Variants in ZNF84 observed in about 807,000 individuals in gnomAD.
The protein encoded by ZNF84 is zinc finger protein 84.
Under a neutral mutation model 14.8 loss-of-function variants are expected in ZNF84, and 12 were observed. That is an observed-to-expected ratio of 0.81 (90% confidence interval 0.52 to 1.31). ZNF84 has a LOEUF of 1.31. ZNF84 is among the 50% of genes most tolerant of loss of function. ZNF84 has a pLI of 0.00. For synonymous variants in ZNF84, 347 were observed against 291.1 expected (o/e 1.19, Z -1.96); for missense variants, 859 against 878.6 (o/e 0.98, Z 0.28).
In ZNF84 at chr12:133,047,904, A is replaced by G. The variant is rs1954009517; in HGVS notation, c.16-51A>G. On this transcript the variant is annotated intron_variant, in intron 2 of 4. Coordinates refer to ENST00000539354, the MANE Select transcript of ZNF84 (RefSeq NM_001289971.2). ...GCTAAAGCTCCAATATTTTTTTCTC[A>G]CATCATACGGTGTTAACTGCTTCAG... 30 of 1,585,154 alleles carry G rather than the reference A, an allele frequency of 1.9e-5. 1 individual carries two copies. The South Asian group carries it at 2.9e-4, about 16-fold the overall frequency.
intron 4 of ZNF84, among the ~76,000 whole-genome samples, chr12:133,051,453 G>A (rs1225272083): frequency 3.3e-5 from 5 of 152,078 alleles, no homozygotes; most frequent in African/African-American, 9.7e-5. Flanking sequence ...AAGGACTCAC[G>A]GGACTCAGCA....
chr12:133,051,501 T>C (rs1954068015), intron 4 of ZNF84, among the ~76,000 whole-genome samples: 1 of 152,110 alleles, frequency 6.6e-6, no homozygotes, highest in African/African-American at 2.4e-5. Context: ...AGTGACACTG[T>C]AAGGACACAG....
intron 2 of ZNF84, among the ~76,000 whole-genome samples, chr12:133,046,923 T>TATTTTTAATATAATATTTATATTATATA (rs1953991714): frequency 6.9e-6 from 1 of 144,306 alleles, no homozygotes; most frequent in Non-Finnish European, 1.5e-5. Flanking sequence ...TATATTATAT[T>TATTTTTAATATAATATTTATATTATATA]ATTTTTAATA....
At chr12:133,044,965 AT>A (rs1408034313) in intron 2 of ZNF84, among the ~76,000 whole-genome samples, 1 of 152,082 alleles carries the variant, frequency 6.6e-6, no homozygotes, top group Admixed American at 6.5e-5. Flanking sequence ...GTATGTTGGC[AT>A]AAGTTTGTAA....
At position 133,057,728 on chromosome 12, in the gene ZNF84, A is replaced by G; in HGVS notation, c.1013A>G (p.Gln338Arg). Reference protein sequence around the residue: ...FSEKSNLINHQRIHTGEKPFE... With the variant: ...FSEKSNLINHRRIHTGEKPFE... ...GAAAAGTCCAATCTCATTAACCATC[A>G]GAGAATTCATACCGGTGAGAAGCCT... The change falls in exon 5 of 5, where the codon CAG (glutamine) becomes CGG (arginine). Residue 338 changes from glutamine to arginine, a missense_variant. Gln to Arg is a conservative substitution (Grantham distance 43). Transcript: ENST00000539354. 2 of 1,614,130 alleles carry G rather than the reference A, an allele frequency of 1.2e-6. No homozygotes were observed. Among genetic ancestry groups the G allele is most frequent in the Non-Finnish European group, 1.7e-6 (2 of 1,180,010 alleles).
At chr12:133,047,928 A>G in intron 2 of ZNF84, 27 bp from the exon 3 acceptor site, 8 of 1,612,716 alleles carry the variant, frequency 5.0e-6, no homozygotes, top group Non-Finnish European at 6.8e-6. Context: ...TAACTGCTTC[A>G]GATTTACCAG....
Position 133,059,034 on chromosome 12 carries a change from C to A in ZNF84, c.*102C>A. On this transcript the variant is annotated 3_prime_UTR_variant, in exon 5 of 5. Transcript: ENST00000539354. Reference sequence around the variant, plus strand: ...TCACGTCATGTTAGGTGTTTGTACTCCATGAGGATGAGAACTCTAAATGAG... The same window carrying A: ...TCACGTCATGTTAGGTGTTTGTACTACATGAGGATGAGAACTCTAAATGAG... The A allele has an allele frequency of 9.0e-7, 1 of 1,112,954 alleles. No homozygotes were observed. Among genetic ancestry groups the A allele is most frequent in the Non-Finnish European group, 1.3e-6 (1 of 783,094 alleles). The allele number at this position is 1,112,954 out of a possible 1,614,324, so 68.9% of individuals were successfully genotyped here. A position where few individuals can be genotyped will look rare whatever the true frequency, so the allele number is the denominator to read the frequency against.
At chr12:133,049,837 A>G (rs966988446) in intron 4 of ZNF84, among the ~76,000 whole-genome samples, 18 of 152,110 alleles carry the variant, frequency 1.2e-4, no homozygotes, top group African/African-American at 4.3e-4. Flanking sequence ...CTATTGGGAA[A>G]GTATCTTTTT....
At chr12:133,055,160 G>C (rs1954132308) in intron 4 of ZNF84, among the ~76,000 whole-genome samples, 2 of 152,060 alleles carry the variant, frequency 1.3e-5, no homozygotes, top group Non-Finnish European at 2.9e-5. Flanking sequence ...ATTGATTGTA[G>C]TATAGGACTC....
chr12:133,046,005 C>G (rs941125462), intron 2 of ZNF84, among the ~76,000 whole-genome samples: 1 of 151,844 alleles, frequency 6.6e-6, no homozygotes, highest in Non-Finnish European at 1.5e-5. Context: ...TCTCTGACTT[C>G]TCTTAAAGTA....
rs1269576635 is a variant in ZNF84 at position 133,058,172 on chromosome 12, C to T, written c.1457C>T (p.Pro486Leu). 6.2e-6 allele frequency: 10 copies of T among 1,613,844 alleles called. No homozygotes were observed. In the East Asian group the frequency reaches 6.7e-5, roughly 11 times the overall value. The change falls in exon 5 of 5, where the codon CCG becomes CTG. Residue 486 changes from proline (P) to leucine (L), a missense_variant. Transcript: ENST00000539354. ...RHQRTHTGEK[P>L]YECSECGKAF... Reference sequence around the variant, plus strand: ...CAGAGAACTCATACGGGAGAAAAACCGTATGAATGCAGTGAGTGTGGGAAA... The same window carrying T: ...CAGAGAACTCATACGGGAGAAAAACTGTATGAATGCAGTGAGTGTGGGAAA...
intron 4 of ZNF84, among the ~76,000 whole-genome samples, chr12:133,054,404 A>G (rs1201379819): frequency 6.6e-6 from 1 of 152,198 alleles, no homozygotes; most frequent in African/African-American, 2.4e-5. Flanking sequence ...TTTTGAAGTT[A>G]ACTTATAATA....
At chr12:133,047,385 C>CA (rs1405173544) in intron 2 of ZNF84, among the ~76,000 whole-genome samples, 1 of 152,154 alleles carries the variant, frequency 6.6e-6, no homozygotes, top group East Asian at 1.9e-4. Flanking sequence ...AAGCCTTACA[C>CA]AAAAAATACT....
intron 4 of ZNF84, among the ~76,000 whole-genome samples, chr12:133,054,777 A>G (rs1241026915): frequency 6.6e-6 from 1 of 152,100 alleles, no homozygotes; most frequent in East Asian, 1.9e-4. Context: ...TTTTTCAATG[A>G]ATCTTTGATT....
Position 133,058,857 on chromosome 12 carries a change from T to G in ZNF84, c.2142T>G (p.Ile714Met). ...CAGGAGAGAAGCCTTATCGATGCAT[T>G]GAATGTGGGAAAGCTTTCTCACAGA... Reference protein sequence around the residue: ...IHTGEKPYRCIECGKAFSQKS... With the variant: ...IHTGEKPYRCMECGKAFSQKS... Residue 714 changes from isoleucine to methionine, a missense_variant, in exon 5 of 5, where the codon ATT (isoleucine) becomes ATG (methionine). Transcript: ENST00000539354. 6.2e-7 allele frequency: 1 copy of G among 1,613,776 alleles called. No homozygotes were observed. The highest frequency in any genetic ancestry group is 1.3e-5 in the African/African-American group (1 of 75,016).
At chr12:133,040,096 C>T (rs1953860037) in intron 1 of ZNF84, among the ~76,000 whole-genome samples, 1 of 151,884 alleles carries the variant, frequency 6.6e-6, no homozygotes. Context: ...TCTGCCTTGG[C>T]CTCCCAAAGT....
Position 133,057,811 on chromosome 12 carries a change from C to G in ZNF84, c.1096C>G (p.His366Asp). 1 of 1,614,046 alleles carries G rather than the reference C, an allele frequency of 6.2e-7. No homozygotes were observed. Among genetic ancestry groups the G allele is most frequent in the African/African-American group, 1.3e-5 (1 of 74,972 alleles). The change falls in exon 5 of 5, where the codon CAC (histidine) becomes GAC (aspartate). Residue 366 changes from histidine (H) to aspartate (D), a missense_variant. His to Asp is a moderately conservative substitution (Grantham distance 81, BLOSUM62 -1). Coordinates refer to ENST00000539354, the MANE Select transcript of ZNF84 (RefSeq NM_001289971.2). Reference sequence around the variant, plus strand: ...CAGGAAGTCACAACTCGTTACACATCACAGAACTCACACAGGAACAAAACC... The same window carrying G: ...CAGGAAGTCACAACTCGTTACACATGACAGAACTCACACAGGAACAAAACC... ...FSRKSQLVTH[H>D]RTHTGTKPFG...
chr12:133,060,417 C>T lies in ZNF84; in HGVS notation c.*1485C>T, dbSNP rs1954239930. 2 of 152,136 alleles carry T rather than the reference C, an allele frequency of 1.3e-5. No individual in the cohort carries two copies. Among genetic ancestry groups the T allele is most frequent in the African/African-American group, 4.8e-5 (2 of 41,432 alleles). 9.4% of individuals were successfully genotyped at this position (152,136 alleles called of 1,614,324 possible). A position where few individuals can be genotyped will look rare whatever the true frequency, so the allele number is the denominator to read the frequency against. On this transcript the variant is annotated 3_prime_UTR_variant, in exon 5 of 5. Transcript: ENST00000539354. ...TGATCCTGGACTTACAGTGGGGTTACCTCCCAATAAACCCATTGTAAGTTG... is the reference window on the plus strand; with the variant it reads ...TGATCCTGGACTTACAGTGGGGTTATCTCCCAATAAACCCATTGTAAGTTG...
At chr12:133,050,585 T>C in intron 4 of ZNF84, 1 of 398,640 alleles carries the variant, frequency 2.5e-6, no homozygotes. Flanking sequence ...CTCCCATTCA[T>C]GGTCAGTTCC....
Sources: gnomAD v4.1 joint callset for allele counts (sites outside exome capture counted in the v4.1 genomes callset) on GRCh38, gnomAD v4.1.1 for gene constraint, MANE v1.5 for transcripts, NCBI Gene and HGNC (gene_info 2026-07-23, HGNC 2026-07-21) for gene names.